Variants in TULP4 observed in about 807,000 individuals in gnomAD.
TULP4 encodes the protein TUB like protein 4, also known as tubby-related protein 4.
In TULP4, 16 loss-of-function variants were observed where a neutral mutation model predicts 129.0. That is an observed-to-expected ratio of 0.12 (90% CI 0.08 to 0.19). TULP4 has a LOEUF of 0.19. TULP4 is among the 10% of genes least tolerant of loss of function. The pLI is 1.00. For synonymous variants in TULP4, 998 were observed against 854.0 expected (o/e 1.17, Z -2.94); for missense variants, 1,842 against 2,059.1 (o/e 0.89, Z 2.04).
intron 1 of TULP4, among the ~76,000 whole-genome samples, chr6:158,270,394 A>G (rs572736609): frequency 6.6e-6 from 1 of 152,048 alleles, no homozygotes; most frequent in South Asian, 2.1e-4. Context: ...TGATTACAGG[A>G]TTTACCTTGT....
intron 6 of TULP4, among the ~76,000 whole-genome samples, chr6:158,465,951 C>T (rs998948241): frequency 6.6e-6 from 1 of 152,154 alleles, no homozygotes; most frequent in African/African-American, 2.4e-5. Context: ...TAAGTTAAAA[C>T]GTTCGGAAGC....
intron 1 of TULP4, among the ~76,000 whole-genome samples, chr6:158,332,113 A>C (rs1266261013): frequency 6.9e-6 from 1 of 144,726 alleles, no homozygotes; most frequent in Non-Finnish European, 1.5e-5. Flanking sequence ...CGGAGGTTGC[A>C]GTTAGCCGAG....
At chr6:158,377,659 T>G (rs1390148865) in intron 1 of TULP4, among the ~76,000 whole-genome samples, 1 of 152,202 alleles carries the variant, frequency 6.6e-6, no homozygotes, top group African/African-American at 2.4e-5. Flanking sequence ...AAGAGCCAAG[T>G]CTAGCGGGTG....
At chr6:158,298,447 G>A (rs746955713) in intron 1 of TULP4, among the ~76,000 whole-genome samples, 9 of 152,122 alleles carry the variant, frequency 5.9e-5, no homozygotes, top group Non-Finnish European at 1.3e-4. Context: ...CCTCCGTTTG[G>A]GGTCCCTGAC....
At chr6:158,365,667 T>C (rs1345569424) in intron 1 of TULP4, among the ~76,000 whole-genome samples, 2 of 151,346 alleles carry the variant, frequency 1.3e-5, no homozygotes, top group South Asian at 2.1e-4. Context: ...GAGAGGGGGT[T>C]TCACCATGTT....
At chr6:158,504,225 T>C (rs1297834141) in intron 13 of TULP4, 47 bp downstream of exon 13, 2 of 1,430,426 alleles carry the variant, frequency 1.4e-6, no homozygotes, top group Non-Finnish European at 1.9e-6. Context: ...AGGCGAGGGT[T>C]TCAGTGCTTC....
chr6:158,478,085 C>A (rs1779862471), intron 6 of TULP4, among the ~76,000 whole-genome samples: 1 of 152,006 alleles, frequency 6.6e-6, no homozygotes, highest in Non-Finnish European at 1.5e-5. Flanking sequence ...GGAAGGGGAA[C>A]AACTTGAGGG....
chr6:158,461,439 G>T, intron 5 of TULP4, 124 bp from the exon 6 acceptor site: 2 of 884,994 alleles, frequency 2.3e-6, no homozygotes, highest in Non-Finnish European at 3.3e-6. Flanking sequence ...AAAAAACCAT[G>T]AATATATTTT....
chr6:158,260,822 T>C (rs1778338849), intron 1 of TULP4, among the ~76,000 whole-genome samples: 1 of 71,118 alleles, frequency 1.4e-5, no homozygotes, highest in Non-Finnish European at 3.9e-5. Context: ...TTCTTTTCTT[T>C]TCTTTTTTTT....
intron 8 of TULP4, among the ~76,000 whole-genome samples, chr6:158,484,330 T>C (rs1202151557): frequency 6.6e-6 from 1 of 151,920 alleles, no homozygotes; most frequent in East Asian, 1.9e-4. Flanking sequence ...CTTTTTTTTT[T>C]TGTAGAGACA....
chr6:158,412,460 A>G (rs760930727), intron 1 of TULP4, among the ~76,000 whole-genome samples: 15 of 152,242 alleles, frequency 9.9e-5, no homozygotes, highest in Non-Finnish European at 2.1e-4. Context: ...TTCAAATTAA[A>G]AAACAAAGTT....
intron 1 of TULP4, chr6:158,238,390 A>G (rs1031783384): frequency 4.9e-6 from 3 of 607,628 alleles, no homozygotes; most frequent in African/African-American, 3.8e-5. Flanking sequence ...GTTTGTGTAC[A>G]TAGCAAGTAA....
At chr6:158,415,554 G>T (rs1265293502) in intron 2 of TULP4, among the ~76,000 whole-genome samples, 2 of 150,064 alleles carry the variant, frequency 1.3e-5, no homozygotes, top group African/African-American at 4.9e-5. Flanking sequence ...TAGAGATGGG[G>T]TTTCACCACG....
rs111482146 is a variant in TULP4 at position 158,397,199 on chromosome 6, G to A, written c.253-15866G>A. Among the ~76,000 whole-genome samples the A allele has an allele frequency of 4.6e-3, 693 of 152,288 alleles. 12 individuals are homozygous for A. The highest frequency in any genetic ancestry group is 0.016 in the African/African-American group (644 of 41,530). On this transcript the variant is annotated intron_variant, in intron 1 of 13. Coordinates refer to ENST00000367097, the MANE Select transcript of TULP4 (RefSeq NM_020245.5). ...TGAGTGAGGGGCAAGGGTCAGTCCT[G>A]GCCAGGGTCACAGGTACCTGCTGGA... is the stretch of plus-strand genomic sequence containing the variant.
rs1779395924 is a variant in TULP4 at position 158,312,916 on chromosome 6, G to T, written c.-1101G>T. The T allele has an allele frequency of 6.6e-6, 1 of 152,124 alleles. No homozygotes were observed. The highest frequency in any genetic ancestry group is 1.5e-5 in the Non-Finnish European group (1 of 68,034). The allele number at this position is 152,124 out of a possible 1,614,324, so 9.4% of individuals were successfully genotyped here. A position where few individuals can be genotyped will look rare whatever the true frequency, so the allele number is the denominator to read the frequency against. On this transcript the variant is annotated 5_prime_UTR_variant, in exon 1 of 14. Coordinates refer to ENST00000367097, the MANE Select transcript of TULP4 (RefSeq NM_020245.5). ...TCTGGCTTCTGCTTTTGTTTTAAGG[G>T]ATTAACTTCCCTGTCAAGTCCAAGA...
At chr6:158,325,292 A>G (rs1447359835) in intron 1 of TULP4, among the ~76,000 whole-genome samples, 6 of 152,040 alleles carry the variant, frequency 3.9e-5, no homozygotes, top group Non-Finnish European at 5.9e-5. Context: ...TAATGTACAC[A>G]TGAGCCTAAC....
At chr6:158,383,218 A>G (rs1777368688) in intron 1 of TULP4, among the ~76,000 whole-genome samples, 1 of 152,150 alleles carries the variant, frequency 6.6e-6, no homozygotes, top group African/African-American at 2.4e-5. Context: ...GGTGCTTCTC[A>G]CTACTGTATG....
At chr6:158,325,989 T>C (rs935310631) in intron 1 of TULP4, among the ~76,000 whole-genome samples, 28 of 151,180 alleles carry the variant, frequency 1.9e-4, no homozygotes, top group African/African-American at 6.5e-4. Context: ...ATTGACTTCA[T>C]TCCCATCTCG....
At chr6:158,469,627 C>T (rs563722564) in intron 6 of TULP4, among the ~76,000 whole-genome samples, 1 of 151,520 alleles carries the variant, frequency 6.6e-6, no homozygotes, top group Admixed American at 6.6e-5. Context: ...GTGTGGAAGG[C>T]GTTTGGGGAT....
Sources: gnomAD v4.1 joint callset for allele counts (sites outside exome capture counted in the v4.1 genomes callset) on GRCh38, gnomAD v4.1.1 for gene constraint, MANE v1.5 for transcripts, NCBI Gene and HGNC (gene_info 2026-07-23, HGNC 2026-07-21) for gene names.